FER1L6: variants seen among roughly 807,000 people sequenced by gnomAD.
The protein encoded by FER1L6 is fer-1-like protein 6.
A neutral mutation model predicts 219.2 loss-of-function variants in FER1L6; 177 were observed. That is an observed-to-expected ratio of 0.81 (90% CI 0.71 to 0.91). FER1L6 has a LOEUF of 0.91. FER1L6 is among the 40% of genes least tolerant of loss of function. The probability of loss-of-function intolerance (pLI) is 0.00; values close to 1 mark genes in which losing one functional copy is unlikely to be tolerated. For missense variants in FER1L6, 2,153 were observed against 2,259.9 expected (o/e 0.95, Z 0.96); for synonymous variants, 768 against 824.3 (o/e 0.93, Z 1.17).
At chr8:124,012,295 G>T (rs1192462119) in intron 14 of FER1L6, among the ~76,000 whole-genome samples, 1 of 152,222 alleles carries the variant, frequency 6.6e-6, no homozygotes, top group Non-Finnish European at 1.5e-5. Flanking sequence ...GTGGTCAGGA[G>T]GCCTAGTCTG....
chr8:124,009,266 C>A (rs1275473700), intron 13 of FER1L6, among the ~76,000 whole-genome samples: 1 of 152,204 alleles, frequency 6.6e-6, no homozygotes, highest in Non-Finnish European at 1.5e-5. Context: ...CTTTTAAAAA[C>A]AAATTAAGTA....
chr8:123,872,440 G>T (rs1232666813), intron 1 of FER1L6, among the ~76,000 whole-genome samples: 1 of 152,208 alleles, frequency 6.6e-6, no homozygotes, highest in Non-Finnish European at 1.5e-5. Context: ...AAATGGCCCA[G>T]AGGTGCCAAA....
intron 1 of FER1L6, among the ~76,000 whole-genome samples, chr8:123,902,845 TTTG>T (rs1480232446): frequency 2.6e-5 from 4 of 152,152 alleles, no homozygotes; most frequent in East Asian, 3.9e-4. Flanking sequence ...CTGTGTATTT[TTTG>T]TTGTTGTTGT....
rs77824227 is a variant in FER1L6, at chr8:123,897,543, G to A, written c.-8+45358G>A. Among the ~76,000 whole-genome samples, 219 of 152,288 alleles carry A rather than the reference G, an allele frequency of 1.4e-3. 1 individual carries two copies. Among genetic ancestry groups the A allele is most frequent in the African/African-American group, 5.2e-3 (218 of 41,562 alleles). The stretch of plus-strand genomic sequence containing the variant: ...TTCTATCTTTATACCTTGACACATA[G>A]TTACAACATAATTACGTACAGAAAT... On this transcript the variant is annotated intron_variant, in intron 1 of 40. Coordinates refer to ENST00000522917, the MANE Select transcript of FER1L6 (RefSeq NM_001039112.2).
At chr8:123,987,540 G>A (rs1816647552) in intron 12 of FER1L6, among the ~76,000 whole-genome samples, 1 of 152,056 alleles carries the variant, frequency 6.6e-6, no homozygotes, top group African/African-American at 2.4e-5. Flanking sequence ...GATCCCATTT[G>A]TCCATTTTTG....
intron 18 of FER1L6, among the ~76,000 whole-genome samples, chr8:124,025,697 T>C (rs957433520): frequency 6.6e-6 from 1 of 152,206 alleles, no homozygotes. Flanking sequence ...GATAGTTTTT[T>C]CTAATTCTGT....
rs761960756 is a variant in FER1L6, at chr8:123,980,531, T to A, written c.1130T>A (p.Met377Lys). ...GGCTCGCCCAGGAACCACAGTCTGA[T>A]GGATGACTACCAGGAAATGAACGAA... is the stretch of plus-strand genomic sequence containing the variant. Reference protein sequence around the residue: ...LYGSPRNHSLMDDYQEMNEGF... With the variant: ...LYGSPRNHSLKDDYQEMNEGF... Residue 377 changes from methionine (M) to lysine (K), a missense_variant, in exon 11 of 41, where the codon ATG becomes AAG. By Grantham distance (95) the Met-to-Lys change is moderately conservative. Coordinates refer to ENST00000522917, the MANE Select transcript of FER1L6 (RefSeq NM_001039112.2). The A allele has an allele frequency of 6.2e-7, 1 of 1,614,144 alleles. No homozygotes were observed. Among genetic ancestry groups the A allele is most frequent in the Non-Finnish European group, 8.5e-7 (1 of 1,180,010 alleles).
At position 124,051,152 on chromosome 8, in the gene FER1L6, C is replaced by T. The variant is rs149904715; in HGVS notation, c.2874+1396C>T. On this transcript the variant is annotated intron_variant, in intron 22 of 40. Coordinates refer to ENST00000522917, the MANE Select transcript of FER1L6 (RefSeq NM_001039112.2). ...AGAGACAAAAGAGAGATAACCTCTCCCTCTCTTGGTCGCATGAAGATACCA... is the reference window on the plus strand; with the variant it reads ...AGAGACAAAAGAGAGATAACCTCTCTCTCTCTTGGTCGCATGAAGATACCA... 6.5e-3 allele frequency among the ~76,000 whole-genome samples: 982 copies of T among 152,120 alleles called. 14 individuals are homozygous for T. Among genetic ancestry groups the T allele is most frequent in the African/African-American group, 0.022 (920 of 41,496 alleles).
chr8:123,900,950 G>A (rs374059182), intron 1 of FER1L6, among the ~76,000 whole-genome samples: 9 of 152,128 alleles, frequency 5.9e-5, no homozygotes, highest in Non-Finnish European at 1.3e-4. Flanking sequence ...CAAGGATATT[G>A]ATCTGTAGTC....
intron 25 of FER1L6, among the ~76,000 whole-genome samples, chr8:124,062,548 T>A (rs1820634483): frequency 6.6e-6 from 1 of 152,242 alleles, no homozygotes; most frequent in African/African-American, 2.4e-5. Flanking sequence ...ATAATTTTCA[T>A]TTGTTTTCCT....
intron 27 of FER1L6, 110 bp downstream of exon 27, chr8:124,066,660 C>T: frequency 8.3e-7 from 1 of 1,211,550 alleles, no homozygotes. Flanking sequence ...ATACATAGAC[C>T]CTACTCAGGT....
chr8:123,992,215 G>A (rs1816892606), intron 12 of FER1L6, among the ~76,000 whole-genome samples: 1 of 152,088 alleles, frequency 6.6e-6, no homozygotes, highest in East Asian at 1.9e-4. Context: ...TGGCTTCATA[G>A]AATGAGTTAG....
intron 33 of FER1L6, among the ~76,000 whole-genome samples, chr8:124,088,373 C>T (rs1283045633): frequency 1.3e-5 from 2 of 151,966 alleles, no homozygotes; most frequent in Non-Finnish European, 2.9e-5. Flanking sequence ...TGCTGCCTGG[C>T]TTGTGTCTCT....
At chr8:123,939,487 A>G (rs924934627) in intron 1 of FER1L6, among the ~76,000 whole-genome samples, 6 of 152,186 alleles carry the variant, frequency 3.9e-5, no homozygotes, top group African/African-American at 1.4e-4. Flanking sequence ...AAGGGGAAGG[A>G]GCAGGACAAG....
chr8:123,997,887 G>A (rs1423796780), intron 12 of FER1L6, among the ~76,000 whole-genome samples: 1 of 152,000 alleles, frequency 6.6e-6, no homozygotes, highest in Non-Finnish European at 1.5e-5. Context: ...TGTTAAATTT[G>A]TCTGGTAGTA....
chr8:123,854,757 G>T (rs1027959975), intron 1 of FER1L6, among the ~76,000 whole-genome samples: 7 of 152,170 alleles, frequency 4.6e-5, no homozygotes, highest in Admixed American at 4.6e-4. Context: ...TGTGGGGACT[G>T]CCAGGCATGG....
At chr8:123,891,879 T>G (rs1812655105) in intron 1 of FER1L6, among the ~76,000 whole-genome samples, 1 of 152,074 alleles carries the variant, frequency 6.6e-6, no homozygotes, top group Non-Finnish European at 1.5e-5. Context: ...GCAGAAGAGG[T>G]GGACTCATGA....
chr8:124,115,704 C>T (rs931376312), intron 39 of FER1L6, among the ~76,000 whole-genome samples: 7 of 152,168 alleles, frequency 4.6e-5, no homozygotes, highest in Non-Finnish European at 7.3e-5. Flanking sequence ...CTAAGCACTG[C>T]ATATGTGTTA....
In FER1L6 at chr8:123,975,959, C is replaced by T; in HGVS notation, c.745C>T (p.Leu249Phe). 6.2e-7 allele frequency: 1 copy of T among 1,613,894 alleles called. No individual in the cohort carries two copies. The highest frequency in any genetic ancestry group is 2.2e-5 in the East Asian group (1 of 44,868). The stretch of plus-strand genomic sequence containing the variant: ...ACCGTGGGCCAGATTCTATGTGAGA[C>T]TCTACAAAGCAGAAGGGTTGCCCAA... ...ERPWARFYVRLYKAEGLPKMN... is the reference protein window; with the variant it reads ...ERPWARFYVRFYKAEGLPKMN... Residue 249 changes from leucine to phenylalanine, a missense_variant, in exon 9 of 41, where the codon CTC (leucine) becomes TTC (phenylalanine). Physicochemically the swap from Leu to Phe is conservative, Grantham distance 22. Coordinates refer to ENST00000522917, the MANE Select transcript of FER1L6 (RefSeq NM_001039112.2).
Sources: gnomAD v4.1 joint callset for allele counts (sites outside exome capture counted in the v4.1 genomes callset) on GRCh38, gnomAD v4.1.1 for gene constraint, MANE v1.5 for transcripts, NCBI Gene and HGNC (gene_info 2026-07-23, HGNC 2026-07-21) for gene names.